Variants in BCL2L1 observed in about 807,000 individuals in gnomAD.
BCL2L1 encodes the protein bcl-2-like protein 1.
BCL2L1 carries 1 observed loss-of-function variant against 18.7 expected under a neutral mutation model. The ratio of observed to expected loss-of-function variants is 0.05; its 90% confidence interval spans 0.02 to 0.25. The LOEUF is 0.25. BCL2L1 is among the 10% of genes least tolerant of loss of function. BCL2L1 has a pLI of 1.00. For synonymous variants in BCL2L1, 103 were observed against 122.7 expected (o/e 0.84, Z 1.06); for missense variants, 207 against 304.9 (o/e 0.68, Z 2.39).
intron 2 of BCL2L1, among the ~76,000 whole-genome samples, chr20:31,715,369 C>T (rs1225785616): frequency 6.6e-6 from 1 of 152,074 alleles, no homozygotes; most frequent in Non-Finnish European, 1.5e-5. Flanking sequence ...CCTACTTCTC[C>T]ATCCTCCTCC....
rs562829261 is a variant in BCL2L1 at position 31,686,991 on chromosome 20, A to G, written c.565-20905T>C. Among the ~76,000 whole-genome samples, 14 of 152,234 alleles carry G rather than the reference A, an allele frequency of 9.2e-5. No homozygotes were observed. The East Asian group carries it at 2.3e-3, about 25-fold the overall frequency. On this transcript the variant is annotated intron_variant, in intron 2 of 2. Transcript: ENST00000307677. ...TAATCTGGACAATGAGGACAATAACATGTTTCCCAAGAAGGATTATTGTGA... is the reference window on the plus strand; with the variant it reads ...TAATCTGGACAATGAGGACAATAACGTGTTTCCCAAGAAGGATTATTGTGA...
chr20:31,704,843 C>T (rs2061346597), intron 2 of BCL2L1, among the ~76,000 whole-genome samples: 1 of 152,008 alleles, frequency 6.6e-6, no homozygotes, highest in Admixed American at 6.6e-5. Flanking sequence ...AGGAACTGGT[C>T]GATAAAGAGT....
chr20:31,686,393 A>G (rs1214953625), intron 2 of BCL2L1: 1 of 152,232 alleles, frequency 6.6e-6, no homozygotes, highest in East Asian at 1.9e-4. Context: ...AGGTAAGAGG[A>G]AAACCCTATT....
chr20:31,665,984 C>T lies in BCL2L1; in HGVS notation c.667G>A (p.Val223Met), dbSNP rs780264826. The stretch of plus-strand genomic sequence containing the variant: ...CTGAAGAGTGAGCCCAGCAGAACCA[C>T]GCCGGCCACAGTCATGCCCGTCAGG... ...WFLTGMTVAG[V>M]VLLGSLFSRK is the part of the protein sequence containing the mutation. The change falls in exon 3 of 3, where the codon GTG becomes ATG. Residue 223 changes from valine to methionine, a missense_variant. Coordinates refer to ENST00000307677, the MANE Select transcript of BCL2L1 (RefSeq NM_138578.3). The T allele has an allele frequency of 9.3e-6, 15 of 1,613,900 alleles. No individual in the cohort carries two copies. The highest frequency in any genetic ancestry group is 1.3e-5 in the Non-Finnish European group (15 of 1,180,034).
chr20:31,720,070 T>C (rs2122854142), intron 2 of BCL2L1: 3 of 983,996 alleles, frequency 3.0e-6, no homozygotes, highest in Non-Finnish European at 3.6e-6. Flanking sequence ...ATTTACAGAA[T>C]GGCTTTCAAG....
At position 31,679,551 on chromosome 20, in the gene BCL2L1, G is replaced by C. The variant is rs73903632; in HGVS notation, c.565-13465C>G. 3.1e-3 allele frequency among the ~76,000 whole-genome samples: 471 copies of C among 152,300 alleles called. 3 individuals carry two copies. The highest frequency in any genetic ancestry group is 0.011 in the African/African-American group (444 of 41,564). On this transcript the variant is annotated intron_variant, in intron 2 of 2. Transcript: ENST00000307677. ...TTTCCCCCTCCAAGCCTGGTGTTCC[G>C]GCTGCAAAATGAAAACAGCTGTACT...
intron 2 of BCL2L1, among the ~76,000 whole-genome samples, chr20:31,694,725 C>A (rs927708242): frequency 3.3e-5 from 5 of 152,180 alleles, no homozygotes; most frequent in African/African-American, 1.2e-4. Context: ...TGCCTATCAT[C>A]TAGACAGTAG....
At chr20:31,681,635 T>C (rs1568861187) in intron 2 of BCL2L1, among the ~76,000 whole-genome samples, 1 of 152,176 alleles carries the variant, frequency 6.6e-6, no homozygotes, top group Non-Finnish European at 1.5e-5. Context: ...AGCAAGATAC[T>C]GTTCTTAATC....
At chr20:31,676,415 A>G (rs1024350944) in intron 2 of BCL2L1, among the ~76,000 whole-genome samples, 1 of 152,174 alleles carries the variant, frequency 6.6e-6, no homozygotes, top group Non-Finnish European at 1.5e-5. Context: ...ATTTGAATAC[A>G]GGCAGTCTGT....
At chr20:31,701,188 G>C (rs534989879) in intron 2 of BCL2L1, among the ~76,000 whole-genome samples, 1 of 152,164 alleles carries the variant, frequency 6.6e-6, no homozygotes, top group South Asian at 2.1e-4. Context: ...TGAGTAGCTG[G>C]GATTACAGGC....
chr20:31,717,402 AC>A (rs5841089), intron 2 of BCL2L1, among the ~76,000 whole-genome samples: 10,197 of 152,164 alleles, frequency 0.067, 345 homozygotes, highest in Middle Eastern at 0.11. Flanking sequence ...CTGAAAAAAT[AC>A]CCGGGTAATT....
intron 2 of BCL2L1, among the ~76,000 whole-genome samples, chr20:31,697,909 A>T (rs541147055): frequency 3.8e-4 from 23 of 59,878 alleles, no homozygotes; most frequent in Non-Finnish European, 6.3e-4. Context: ...TTTTTTTGAG[A>T]CGGAGTCTCG....
chr20:31,686,497 T>C (rs1319777850), intron 2 of BCL2L1: 2 of 152,242 alleles, frequency 1.3e-5, no homozygotes, highest in Non-Finnish European at 1.5e-5. Flanking sequence ...TATGCTATTA[T>C]TTTATGACTC....
rs1383470049 is a variant in BCL2L1 at position 31,722,156 on chromosome 20, T to A, written c.63A>T (p.Gly21=). 6.6e-7 allele frequency: 1 copy of A among 1,507,280 alleles called. No individual in the cohort carries two copies. Among genetic ancestry groups the A allele is most frequent in the East Asian group, 2.3e-5 (1 of 43,996 alleles). The allele number at this position is 1,507,280 out of a possible 1,614,324, so 93.4% of individuals were successfully genotyped here. A position where few individuals can be genotyped will look rare whatever the true frequency, so the allele number is the denominator to read the frequency against. Residue 21 remains glycine (G), a synonymous_variant, in exon 2 of 3, where the codon GGA becomes GGT. Transcript: ENST00000307677. The part of the protein sequence containing the change: ...DFLSYKLSQK[G]YSWSQFSDVE... ...CATCACTAAACTGACTCCAGCTGTA[T>A]CCTTTCTGGGAAAGCTTGTAGGAGA...
intron 2 of BCL2L1, among the ~76,000 whole-genome samples, chr20:31,711,969 A>G (rs954579645): frequency 1.3e-5 from 2 of 152,150 alleles, no homozygotes; most frequent in Middle Eastern, 3.2e-3. Context: ...TCTGAGCCTC[A>G]ATTTTCTCAA....
chr20:31,708,987 G>GT (rs2061411484), intron 2 of BCL2L1, among the ~76,000 whole-genome samples: 1 of 152,216 alleles, frequency 6.6e-6, no homozygotes, highest in African/African-American at 2.4e-5. Context: ...TGATCTGCAG[G>GT]TTGCAGGTGC....
At chr20:31,706,325 G>C (rs1361877406) in intron 2 of BCL2L1, among the ~76,000 whole-genome samples, 1 of 152,178 alleles carries the variant, frequency 6.6e-6, no homozygotes, top group Non-Finnish European at 1.5e-5. Context: ...CTGGTACTTT[G>C]ACTGCAGAAG....
At chr20:31,698,876 T>C (rs955272962) in intron 2 of BCL2L1, among the ~76,000 whole-genome samples, 1 of 152,136 alleles carries the variant, frequency 6.6e-6, no homozygotes, top group African/African-American at 2.4e-5. Context: ...AGGGGAGATC[T>C]CCAATATATC....
chr20:31,690,874 C>T (rs985208864), intron 2 of BCL2L1, among the ~76,000 whole-genome samples: 16 of 152,030 alleles, frequency 1.1e-4, no homozygotes, highest in Non-Finnish European at 8.8e-5. Context: ...GTAGGCCAGG[C>T]ACGGTGGCTC....
Sources: allele counts gnomAD v4.1 joint callset (sites outside exome capture counted in the v4.1 genomes callset), GRCh38; gene constraint gnomAD v4.1.1; transcripts MANE v1.5; gene names NCBI Gene and HGNC (gene_info 2026-07-23, HGNC 2026-07-21).